Variants in PCSK5 observed in about 807,000 individuals in gnomAD.
The protein encoded by PCSK5 is proprotein convertase subtilisin/kexin type 5.
In PCSK5, 129 loss-of-function variants were observed where a neutral mutation model predicts 233.2. That is an observed-to-expected ratio of 0.55 (90% CI 0.48 to 0.64). The LOEUF is 0.64. Ranked by LOEUF, PCSK5 falls within the 30% of genes least tolerant of loss-of-function variation. PCSK5 has a pLI of 0.00. For missense variants in PCSK5, 2,076 were observed against 2,430.1 expected, an observed-to-expected ratio of 0.85 and a Z score of 3.06; for synonymous variants, 825 against 879.2, an observed-to-expected ratio of 0.94 and a Z score of 1.09.
intron 3 of PCSK5, among the ~76,000 whole-genome samples, chr9:75,993,257 A>C (rs899746348): frequency 5.9e-5 from 9 of 152,084 alleles, no homozygotes; most frequent in Non-Finnish European, 1.0e-4. Flanking sequence ...GACAGATGCC[A>C]GTGAGGCAGT....
intron 33 of PCSK5, among the ~76,000 whole-genome samples, chr9:76,330,630 C>T (rs112142760): frequency 6.6e-6 from 1 of 151,952 alleles, no homozygotes; most frequent in Non-Finnish European, 1.5e-5. Context: ...AAATTTTAAA[C>T]ATTAAAAAAA....
intron 3 of PCSK5, among the ~76,000 whole-genome samples, chr9:75,995,744 T>TATACACACAC (rs373537943): frequency 5.5e-5 from 8 of 145,948 alleles, no homozygotes; most frequent in Non-Finnish European, 1.1e-4. Flanking sequence ...GATTCATTCA[T>TATACACACAC]ACACACACAC....
chr9:76,069,107 T>A (rs1830390197), intron 6 of PCSK5, among the ~76,000 whole-genome samples: 1 of 152,120 alleles, frequency 6.6e-6, no homozygotes, highest in South Asian at 2.1e-4. Context: ...TTCTTATGAG[T>A]ATGATAGTTT....
intron 30 of PCSK5, among the ~76,000 whole-genome samples, chr9:76,316,733 G>T (rs1485518657): frequency 1.1e-5 from 1 of 89,760 alleles, no homozygotes; most frequent in Non-Finnish European, 1.9e-5. Flanking sequence ...GCCAGACCTT[G>T]TCTCACCAAA....
intron 5 of PCSK5, among the ~76,000 whole-genome samples, chr9:76,061,196 A>G (rs1252589253): frequency 6.6e-6 from 1 of 152,210 alleles, no homozygotes; most frequent in Non-Finnish European, 1.5e-5. Context: ...ATGGACACAT[A>G]AAGAGTAATT....
chr9:76,192,928 A>C (rs968241832), intron 20 of PCSK5, among the ~76,000 whole-genome samples: 2 of 152,038 alleles, frequency 1.3e-5, no homozygotes, highest in Admixed American at 1.3e-4. Flanking sequence ...ATCTCAAAGA[A>C]GACAAATTTC....
At chr9:76,009,170 GATGCAAATTTA>G (rs1340155191) in intron 3 of PCSK5, among the ~76,000 whole-genome samples, 1 of 152,090 alleles carries the variant, frequency 6.6e-6, no homozygotes, top group Non-Finnish European at 1.5e-5. Context: ...TTGAATTAAA[GATGCAAATTTA>G]ATTTTATAAC....
chr9:75,954,159 A>G (rs1022802725), intron 2 of PCSK5, among the ~76,000 whole-genome samples: 52 of 152,206 alleles, frequency 3.4e-4, no homozygotes, highest in African/African-American at 1.3e-3. Context: ...CATGCTGGAC[A>G]TTTCGTTTGT....
chr9:76,148,269 T>C (rs1477209875), intron 10 of PCSK5, among the ~76,000 whole-genome samples: 3 of 151,060 alleles, frequency 2.0e-5, no homozygotes, highest in Non-Finnish European at 4.4e-5. Flanking sequence ...TTACTTATTC[T>C]TTTCTCCCTT....
chr9:76,011,841 T>C (rs1827741120), intron 3 of PCSK5, among the ~76,000 whole-genome samples: 1 of 152,240 alleles, frequency 6.6e-6, no homozygotes, highest in Admixed American at 6.5e-5. Context: ...CAGTGTTTAT[T>C]GAATAAATGT....
At chr9:76,266,738 TC>T (rs1827344755) in intron 24 of PCSK5, among the ~76,000 whole-genome samples, 2 of 152,184 alleles carry the variant, frequency 1.3e-5, no homozygotes, top group South Asian at 4.1e-4. Flanking sequence ...GAATAGAGCC[TC>T]AAGATACTGG....
intron 28 of PCSK5, among the ~76,000 whole-genome samples, chr9:76,303,153 A>C (rs1040108467): frequency 3.3e-5 from 5 of 151,922 alleles, no homozygotes; most frequent in African/African-American, 1.2e-4. Context: ...GCTTGTACAG[A>C]TCTCCCTCTG....
chr9:76,317,178 T>A (rs890042999), intron 30 of PCSK5, among the ~76,000 whole-genome samples: 5 of 152,102 alleles, frequency 3.3e-5, no homozygotes, highest in African/African-American at 1.2e-4. Context: ...CTGGCCAACA[T>A]GGTAAAGCCC....
intron 24 of PCSK5, among the ~76,000 whole-genome samples, chr9:76,289,624 A>G (rs767833372): frequency 2.6e-5 from 4 of 151,892 alleles, no homozygotes; most frequent in Non-Finnish European, 5.9e-5. Flanking sequence ...CTTAGAGTCA[A>G]CTTCTAGATT....
intron 35 of PCSK5, among the ~76,000 whole-genome samples, chr9:76,349,892 A>G: frequency 6.6e-6 from 1 of 152,188 alleles, no homozygotes; most frequent in Non-Finnish European, 1.5e-5. Context: ...GAATTAGGAG[A>G]TAAGAGTACT....
chr9:76,326,613 T>C (rs1177081551), intron 32 of PCSK5, among the ~76,000 whole-genome samples: 1 of 152,142 alleles, frequency 6.6e-6, no homozygotes, highest in East Asian at 1.9e-4. Flanking sequence ...CAGCCTCAAT[T>C]TCCTGATTTA....
chr9:75,939,782 C>T (rs1824217738), intron 2 of PCSK5, among the ~76,000 whole-genome samples: 1 of 152,152 alleles, frequency 6.6e-6, no homozygotes, highest in Non-Finnish European at 1.5e-5. Context: ...CTTGAAGGTT[C>T]TAGCCTATCA....
chr9:76,157,776 A>G (rs1822658422), intron 11 of PCSK5, among the ~76,000 whole-genome samples: 2 of 149,356 alleles, frequency 1.3e-5, no homozygotes, highest in South Asian at 4.1e-4. Context: ...TGGAAGCAGA[A>G]GTAAATCAAC....
chr9:76,267,359 C>T (rs1186457875), intron 24 of PCSK5, among the ~76,000 whole-genome samples: 3 of 152,222 alleles, frequency 2.0e-5, no homozygotes, highest in Non-Finnish European at 4.4e-5. Context: ...AGGTATTTCA[C>T]GGTGGGGCAA....
Sources: allele counts gnomAD v4.1 joint callset (sites outside exome capture counted in the v4.1 genomes callset), GRCh38; gene constraint gnomAD v4.1.1; transcripts MANE v1.5; gene names NCBI Gene and HGNC (gene_info 2026-07-23, HGNC 2026-07-21).